RREB1: variants seen among roughly 807,000 people sequenced by gnomAD.
RREB1 encodes the protein ras responsive element binding protein 1, also known as ras-responsive element-binding protein 1.
A neutral mutation model predicts 117.8 loss-of-function variants in RREB1; 27 were observed. The observed-to-expected ratio is 0.23, with a 90% CI of 0.17 to 0.32. The LOEUF (loss-of-function observed/expected upper bound fraction) is 0.32, where lower values mean the gene tolerates loss of function less well. Among genes scored for constraint, RREB1 ranks in the 10% least tolerant of loss-of-function variants. The pLI is 1.00. For missense variants in RREB1, 2,577 were observed against 2,378.2 expected (o/e 1.08, Z -1.74); for synonymous variants, 1,298 against 1,026.7 (o/e 1.26, Z -5.05).
intron 1 of RREB1, among the ~76,000 whole-genome samples, chr6:7,138,211 C>T (rs1293019410): frequency 1.3e-5 from 2 of 152,134 alleles, no homozygotes; most frequent in Non-Finnish European, 2.9e-5. Flanking sequence ...AGGCATTTGT[C>T]CTTTAGTCTG....
At chr6:7,140,205 C>T (rs2113381176) in intron 1 of RREB1, among the ~76,000 whole-genome samples, 1 of 152,292 alleles carries the variant, frequency 6.6e-6, no homozygotes, top group East Asian at 1.9e-4. Flanking sequence ...TGTTCAGATG[C>T]TGATTGGCAA....
chr6:7,209,884 G>A (rs1766488519), intron 6 of RREB1, among the ~76,000 whole-genome samples: 1 of 152,234 alleles, frequency 6.6e-6, no homozygotes, highest in African/African-American at 2.4e-5. Context: ...CTGTGGCTAT[G>A]GTCCTAAATC....
intron 1 of RREB1, among the ~76,000 whole-genome samples, chr6:7,132,779 C>T (rs991474141): frequency 2.6e-5 from 4 of 151,888 alleles, no homozygotes. Context: ...TAATATAACA[C>T]ACTATAAATA....
rs765466558 is a variant in RREB1, at chr6:7,229,359, A to T, written c.1260A>T (p.Leu420=). Residue 420 remains leucine (L), a synonymous_variant, in exon 10 of 13, where the codon CTA becomes CTT. Coordinates refer to ENST00000379938, the MANE Select transcript of RREB1 (RefSeq NM_001003699.4). This position sits in a 1 kb window ranked among gnomAD's most constrained non-coding sequence, Gnocchi z 4.5. ...TGTCACCTTTCGAAGCTGCTTCCCT[A>T]GGCGGTTCTCTCACAGTTCTCCCCG... is the stretch of plus-strand genomic sequence containing the variant. ...LSLSPFEAAS[L]GGSLTVLPAT... The T allele has an allele frequency of 1.2e-6, 2 of 1,614,096 alleles. No homozygotes were observed. Among genetic ancestry groups the T allele is most frequent in the Non-Finnish European group, 8.5e-7 (1 of 1,180,000 alleles).
intron 10 of RREB1, among the ~76,000 whole-genome samples, chr6:7,233,632 T>G (rs1449547241): frequency 1.3e-5 from 2 of 151,874 alleles, no homozygotes; most frequent in South Asian, 2.1e-4. Context: ...GCATCCTGGG[T>G]TTTTTTTGTG....
At chr6:7,119,977 C>G (rs1269975756) in intron 1 of RREB1, among the ~76,000 whole-genome samples, 1 of 152,022 alleles carries the variant, frequency 6.6e-6, no homozygotes, top group Admixed American at 6.6e-5. Flanking sequence ...TTCCTGGTCT[C>G]TGGCTTTTGC....
chr6:7,173,058 G>C (rs1455105635), intron 1 of RREB1, among the ~76,000 whole-genome samples: 1 of 152,158 alleles, frequency 6.6e-6, no homozygotes, highest in African/African-American at 2.4e-5. Flanking sequence ...GGTCAACTAG[G>C]CTCTTACATA....
intron 10 of RREB1, among the ~76,000 whole-genome samples, chr6:7,234,251 A>G (rs1341546734): frequency 6.6e-6 from 1 of 152,088 alleles, no homozygotes; most frequent in Non-Finnish European, 1.5e-5. Flanking sequence ...TTTGGGTGCC[A>G]CCTGTTTATC....
chr6:7,229,824 G>A lies in RREB1; in HGVS notation c.1725G>A (p.Thr575=), dbSNP rs753682545. Residue 575 remains threonine (T), a synonymous_variant, in exon 10 of 13, where the codon ACG becomes ACA. Transcript: ENST00000379938. This position sits in a 1 kb window ranked among gnomAD's most constrained non-coding sequence, Gnocchi z 4.5. ...CCGGGACCCAGCCCCACGCGGCCAC[G>A]CGGCTCTCCCTGCAGCAGCCGCGGG... ...SKSGTQPHAA[T]RLSLQQPRAE... is the part of the protein sequence containing the mutation. The A allele has an allele frequency of 3.7e-5, 59 of 1,610,354 alleles. No homozygotes were observed. The highest frequency in any genetic ancestry group is 4.8e-5 in the Non-Finnish European group (57 of 1,178,516).
At position 7,230,271 on chromosome 6, in the gene RREB1, G is replaced by A; in HGVS notation, c.2172G>A (p.Lys724=). Residue 724 remains lysine, a synonymous_variant, in exon 10 of 13, where the codon AAG becomes AAA. Transcript: ENST00000379938. ...GGCACCTGCGCAAGAAGCACCTCAA[G>A]GCCACCCGCAAGGATATCGAGAAGA... is the stretch of plus-strand genomic sequence containing the variant. ...CERHLRKKHL[K]ATRKDIEKNI... 6.3e-7 allele frequency: 1 copy of A among 1,599,372 alleles called. No individual in the cohort carries two copies. Among genetic ancestry groups the A allele is most frequent in the Non-Finnish European group, 8.5e-7 (1 of 1,178,914 alleles).
At chr6:7,139,731 T>A (rs934610261) in intron 1 of RREB1, among the ~76,000 whole-genome samples, 5 of 152,206 alleles carry the variant, frequency 3.3e-5, no homozygotes, top group African/African-American at 1.2e-4. Context: ...TGTTCAAAAT[T>A]TTCCAAAAAG....
At chr6:7,248,209 G>T (rs1183038071) in intron 12 of RREB1, among the ~76,000 whole-genome samples, 1 of 152,234 alleles carries the variant, frequency 6.6e-6, no homozygotes, top group Non-Finnish European at 1.5e-5. Context: ...GTCTCTGGTC[G>T]AGGCCAGTCT....
intron 1 of RREB1, among the ~76,000 whole-genome samples, chr6:7,114,588 G>A (rs1457905841): frequency 6.6e-6 from 1 of 152,162 alleles, no homozygotes; most frequent in East Asian, 1.9e-4. Context: ...CTGAGGTTGA[G>A]AAAGCCTGCT....
chr6:7,143,783 G>C (rs901278905), intron 1 of RREB1, among the ~76,000 whole-genome samples: 1 of 151,240 alleles, frequency 6.6e-6, no homozygotes, highest in African/African-American at 2.4e-5. Context: ...ACAACTGTTA[G>C]ATACAACTGG....
At chr6:7,222,520 A>G (rs544614219) in intron 8 of RREB1, among the ~76,000 whole-genome samples, 3 of 152,338 alleles carry the variant, frequency 2.0e-5, no homozygotes, top group South Asian at 2.1e-4. Context: ...TTTGTGATCA[A>G]TACTGAATAA....
Position 7,249,162 on chromosome 6 carries a change from G to C in RREB1, c.*194G>C, listed in dbSNP as rs886297993. On this transcript the variant is annotated 3_prime_UTR_variant, in exon 13 of 13. Coordinates refer to ENST00000379938, the MANE Select transcript of RREB1 (RefSeq NM_001003699.4). ...TAGCCTTACCGCAGCCTGCGCGGGA[G>C]GCCACAGCCCGTGCCGATTCCAGTG... 1.9e-6 allele frequency: 1 copy of C among 534,030 alleles called. No homozygotes were observed. The highest frequency in any genetic ancestry group is 3.0e-5 in the East Asian group (1 of 33,296). 33.1% of individuals were successfully genotyped at this position (534,030 alleles called of 1,614,324 possible).
rs564571942 is a variant in RREB1, at chr6:7,239,143, A to G, written c.3809-1295A>G. ...CCTGCACTAGTTCAGGCTTCTATCG[A>G]CATTAATCTAACGCCAGAGGCCCCT... is the stretch of plus-strand genomic sequence containing the variant. On this transcript the variant is annotated intron_variant, in intron 10 of 12. Transcript: ENST00000379938. 2.6e-5 allele frequency among the ~76,000 whole-genome samples: 4 copies of G among 152,336 alleles called. No individual in the cohort carries two copies. In the South Asian group the frequency reaches 6.2e-4, roughly 24 times the overall value.
intron 1 of RREB1, among the ~76,000 whole-genome samples, chr6:7,168,805 C>G (rs1035203226): frequency 1.3e-5 from 2 of 152,188 alleles, no homozygotes; most frequent in African/African-American, 4.8e-5. Context: ...TTCAAAGACC[C>G]TTCTTGTGCT....
chr6:7,219,012 C>A (rs754043442), intron 8 of RREB1: 4 of 139,488 alleles, frequency 2.9e-5, no homozygotes, highest in Non-Finnish European at 6.0e-5. Context: ...CTTTGGGAGG[C>A]CGAAGCAAGG....
Sources: allele counts gnomAD v4.1 joint callset (sites outside exome capture counted in the v4.1 genomes callset), GRCh38; gene constraint gnomAD v4.1.1; non-coding constraint Gnocchi (gnomAD v3.1); transcripts MANE v1.5; gene names NCBI Gene and HGNC (gene_info 2026-07-23, HGNC 2026-07-21).